Variants in AMZ2 observed in about 807,000 individuals in gnomAD.
AMZ2 encodes the protein archaelysin family metallopeptidase 2.
AMZ2 carries 26 observed loss-of-function variants against 36.7 expected under a neutral mutation model. The observed-to-expected ratio is 0.71, with a 90% confidence interval of 0.52 to 0.98. AMZ2 has a LOEUF of 0.98. Among genes scored for constraint, AMZ2 ranks in the 50% least tolerant of loss-of-function variants. The pLI is 0.00. For synonymous variants in AMZ2, 144 were observed against 149.1 expected (o/e 0.97, Z 0.25); for missense variants, 394 against 430.5 (o/e 0.92, Z 0.75).
intron 5 of AMZ2, 148 bp downstream of exon 5, chr17:68,254,715 A>G: frequency 2.8e-6 from 2 of 704,166 alleles, no homozygotes; most frequent in South Asian, 4.2e-5. Context: ...TGAAATGATC[A>G]GTAAAACAAT....
At chr17:68,256,601 C>T (rs1214206325) in intron 6 of AMZ2, among the ~76,000 whole-genome samples, 1 of 152,130 alleles carries the variant, frequency 6.6e-6, no homozygotes, top group Non-Finnish European at 1.5e-5. Context: ...TCAGTGCGTA[C>T]TTTTGACATC....
At chr17:68,219,151 G>A (rs12947572) in intron 1 of AMZ2, among the ~76,000 whole-genome samples, 2,631 of 152,254 alleles carry the variant, frequency 0.017, 31 homozygotes, top group South Asian at 0.033. Flanking sequence ...ATTTTTAGTA[G>A]AGACAGGGTT....
chr17:68,233,589 C>G (rs545014568), intron 1 of AMZ2, among the ~76,000 whole-genome samples: 1 of 151,972 alleles, frequency 6.6e-6, no homozygotes, highest in East Asian at 1.9e-4. Flanking sequence ...AACCTATGTC[C>G]CCAGCCCTCT....
At position 68,248,351 on chromosome 17, in the gene AMZ2, C is replaced by G. The variant is rs1342561428; in HGVS notation, c.-355C>G. ...GTCCCTGGGGAACCCCCACTCCACTCCCAGCTGGAGACTGGGTTGTGTCTG... is the reference window on the plus strand; with the variant it reads ...GTCCCTGGGGAACCCCCACTCCACTGCCAGCTGGAGACTGGGTTGTGTCTG... On this transcript the variant is annotated 5_prime_UTR_variant, in exon 1 of 7. Coordinates refer to ENST00000359904, the MANE Select transcript of AMZ2 (RefSeq NM_016627.5). The G allele has an allele frequency of 6.8e-5, 67 of 985,980 alleles. No homozygotes were observed. Among genetic ancestry groups the G allele is most frequent in the Non-Finnish European group, 7.8e-5 (65 of 830,142 alleles). 61.1% of individuals were successfully genotyped at this position (985,980 alleles called of 1,614,324 possible). A position where few individuals can be genotyped will look rare whatever the true frequency, so the allele number is the denominator to read the frequency against.
chr17:68,221,938 TACAGTAATCCCAGTGAGGGTG>T (rs2144549093), intron 1 of AMZ2, among the ~76,000 whole-genome samples: 1 of 152,254 alleles, frequency 6.6e-6, no homozygotes, highest in South Asian at 2.1e-4. Context: ...TCAGCGGTAT[TACAGTAATCCCAGTGAGGGTG>T]ACAAATGGCC....
chr17:68,229,799 T>C (rs1555730770), intron 1 of AMZ2, among the ~76,000 whole-genome samples: 2 of 152,136 alleles, frequency 1.3e-5, no homozygotes, highest in African/African-American at 4.8e-5. Context: ...ATGTCAGGGG[T>C]CCGGGCTGGT....
At chr17:68,251,906 G>C (rs2074509423) in intron 4 of AMZ2, among the ~76,000 whole-genome samples, 1 of 152,120 alleles carries the variant, frequency 6.6e-6, no homozygotes, top group African/African-American at 2.4e-5. Flanking sequence ...TTAATTTAAA[G>C]AGTCAAAACG....
intron 1 of AMZ2, among the ~76,000 whole-genome samples, chr17:68,211,050 A>C (rs748437919): frequency 1.3e-4 from 20 of 152,126 alleles, no homozygotes; most frequent in Non-Finnish European, 2.2e-4. Flanking sequence ...ACACACAAAA[A>C]TCTTGTTTAG....
At chr17:68,206,173 A>T in exon 1 of AMZ2, 1 of 1,306,504 alleles carries the variant, frequency 7.7e-7, no homozygotes, top group Non-Finnish European at 9.8e-7. Context: ...CTGGAAGACG[A>T]CGACGACGCC....
In AMZ2 at chr17:68,255,009, C is replaced by T. The variant is rs1296356346; in HGVS notation, c.750+442C>T. Among the ~76,000 whole-genome samples, 6 of 152,200 alleles carry T rather than the reference C, an allele frequency of 3.9e-5. No homozygotes were observed. In the South Asian group the frequency reaches 8.3e-4, roughly 21 times the overall value. ...CTGGCAGTTCCTGATATCCCCAACT[C>T]GGTTTTGTGGAAAGCCTATCTCCCC... On this transcript the variant is annotated intron_variant, in intron 5 of 6. Transcript: ENST00000359904.
At chr17:68,225,809 A>C (rs1419041346) in intron 1 of AMZ2, among the ~76,000 whole-genome samples, 1 of 152,010 alleles carries the variant, frequency 6.6e-6, no homozygotes, top group East Asian at 1.9e-4. Context: ...TTTTTAGTAA[A>C]GATGAAATTT....
chr17:68,239,378 A>C (rs2073856107), intron 1 of AMZ2, among the ~76,000 whole-genome samples: 1 of 152,154 alleles, frequency 6.6e-6, no homozygotes, highest in African/African-American at 2.4e-5. Context: ...CTGACCAATC[A>C]GACTTCCATT....
chr17:68,234,001 C>A (rs1208634259), intron 1 of AMZ2, among the ~76,000 whole-genome samples: 10 of 152,128 alleles, frequency 6.6e-5, no homozygotes, highest in Admixed American at 5.2e-4. Flanking sequence ...TACAGCAAAT[C>A]GTAGATTCCA....
At chr17:68,255,002 C>A (rs1232313545) in intron 5 of AMZ2, among the ~76,000 whole-genome samples, 2 of 152,190 alleles carry the variant, frequency 1.3e-5, no homozygotes, top group East Asian at 3.8e-4. Flanking sequence ...TCCTGATATC[C>A]CCAACTCGGT....
chr17:68,250,018 A>G, intron 1 of AMZ2, 170 bp from the exon 2 acceptor site: 2 of 663,782 alleles, frequency 3.0e-6, no homozygotes, highest in Non-Finnish European at 5.0e-6. Context: ...AATTTCTTAG[A>G]TCTCCAAGAA....
At chr17:68,225,190 T>TAA (rs35624305) in intron 1 of AMZ2, among the ~76,000 whole-genome samples, 1 of 151,786 alleles carries the variant, frequency 6.6e-6, no homozygotes, top group Non-Finnish European at 1.5e-5. Context: ...CACTCTGTCT[T>TAA]AAAAAAACAA....
chr17:68,252,037 ATC>A (rs570682606), intron 4 of AMZ2, among the ~76,000 whole-genome samples: 78 of 148,350 alleles, frequency 5.3e-4, no homozygotes, highest in Non-Finnish European at 9.7e-4. Flanking sequence ...TTTTTTTGTC[ATC>A]TCTCTACTTC....
At chr17:68,236,922 T>G (rs73349661) in intron 1 of AMZ2, among the ~76,000 whole-genome samples, 9,153 of 152,252 alleles carry the variant, frequency 0.06, 489 homozygotes, top group Admixed American at 0.13. Context: ...TATTTTTATA[T>G]AAATAGCTTC....
At chr17:68,244,555 G>C (rs2144659670), upstream of AMZ2, among the ~76,000 whole-genome samples, 1 of 152,276 alleles carries the variant, frequency 6.6e-6, no homozygotes, top group South Asian at 2.1e-4. Context: ...CCAAAGTGCT[G>C]GGATTACAGG....
Sources: allele counts gnomAD v4.1 joint callset (sites outside exome capture counted in the v4.1 genomes callset), GRCh38; gene constraint gnomAD v4.1.1; transcripts MANE v1.5; gene names NCBI Gene and HGNC (gene_info 2026-07-23, HGNC 2026-07-21).